Variants in LOC128092252 observed in about 807,000 individuals in gnomAD.
chr15:50,654,113 C>T, the LOC128092252 span, among the ~76,000 whole-genome samples: 48 of 152,148 alleles, frequency 3.2e-4, no homozygotes, highest in Non-Finnish European at 1.2e-4. Flanking sequence ...AAACTGAACA[C>T]TCCTTACAGG....
chr15:50,684,553 A>G, the LOC128092252 span, among the ~76,000 whole-genome samples: 1 of 152,056 alleles, frequency 6.6e-6, no homozygotes, highest in Non-Finnish European at 1.5e-5. Context: ...AGGCAGGAGA[A>G]TCACTTGAAC....
the LOC128092252 span, chr15:50,663,107 A>G: frequency 4.6e-6 from 6 of 1,297,840 alleles, no homozygotes; most frequent in Non-Finnish European, 3.3e-6. Context: ...GAAGGAAACA[A>G]TTTCATGATA....
chr15:50,668,824 A>G, the LOC128092252 span, among the ~76,000 whole-genome samples: 10 of 142,858 alleles, frequency 7.0e-5, no homozygotes, highest in African/African-American at 9.9e-5. Flanking sequence ...AGATATTTGT[A>G]TAAGTGCAGT....
At chr15:50,658,774 T>C in the LOC128092252 span, among the ~76,000 whole-genome samples, 1 of 152,168 alleles carries the variant, frequency 6.6e-6, no homozygotes, top group Admixed American at 6.5e-5. Context: ...AAATGAAAAT[T>C]GTACAAGGTC....
the LOC128092252 span, among the ~76,000 whole-genome samples, chr15:50,658,385 C>G: frequency 6.6e-6 from 1 of 150,504 alleles, no homozygotes; most frequent in Non-Finnish European, 1.5e-5. Flanking sequence ...TCAGCCTGGG[C>G]AACAAAGCGA....
the LOC128092252 span, among the ~76,000 whole-genome samples, chr15:50,656,498 T>TC: frequency 6.8e-6 from 1 of 146,822 alleles, no homozygotes; most frequent in Non-Finnish European, 1.5e-5. Context: ...TGTGTGGTTT[T>TC]CTTTTTTTTT....
the LOC128092252 span, among the ~76,000 whole-genome samples, chr15:50,685,448 C>CAGAGAGAGTCTCTGAG: frequency 6.6e-6 from 1 of 152,104 alleles, no homozygotes; most frequent in South Asian, 2.1e-4. Flanking sequence ...CAGAGTGAGA[C>CAGAGAGAGTCTCTGAG]CCTGTCTCAA....
chr15:50,686,462 G>T, the LOC128092252 span: 2 of 1,613,194 alleles, frequency 1.2e-6, no homozygotes, highest in African/African-American at 1.3e-5. Flanking sequence ...ACACTTGCCT[G>T]CCAAGTCTCT....
the LOC128092252 span, among the ~76,000 whole-genome samples, chr15:50,684,574 G>A: frequency 6.6e-6 from 1 of 152,122 alleles, no homozygotes; most frequent in East Asian, 1.9e-4. Context: ...CCAGGAGGCG[G>A]AGGCTGCAGT....
At chr15:50,686,130 TATC>T in the LOC128092252 span, among the ~76,000 whole-genome samples, 1 of 152,186 alleles carries the variant, frequency 6.6e-6, no homozygotes, top group East Asian at 1.9e-4. Context: ...TTGGTTCCCT[TATC>T]TGCCAGCAAC....
the LOC128092252 span, among the ~76,000 whole-genome samples, chr15:50,660,981 T>TC: frequency 1.3e-5 from 2 of 151,114 alleles, no homozygotes; most frequent in Non-Finnish European, 3.0e-5. Context: ...ACCATTCCTT[T>TC]TTTTTTTTTT....
At chr15:50,681,797 A>T in the LOC128092252 span, among the ~76,000 whole-genome samples, 1 of 152,228 alleles carries the variant, frequency 6.6e-6, no homozygotes, top group Non-Finnish European at 1.5e-5. Flanking sequence ...AGGGGTAAAC[A>T]GTGTTTCACA....
At chr15:50,677,751 A>AAAC in the LOC128092252 span, among the ~76,000 whole-genome samples, 34 of 148,124 alleles carry the variant, frequency 2.3e-4, no homozygotes, top group African/African-American at 8.5e-4. Flanking sequence ...AAAAAAAAAA[A>AAAC]AAAAAAAAAC....
At chr15:50,659,887 C>T in the LOC128092252 span, among the ~76,000 whole-genome samples, 5 of 152,198 alleles carry the variant, frequency 3.3e-5, no homozygotes, top group Admixed American at 1.3e-4. Flanking sequence ...AGGCTGGTCT[C>T]GAACTCCTGA....
the LOC128092252 span, among the ~76,000 whole-genome samples, chr15:50,659,354 C>T: frequency 6.6e-6 from 1 of 152,146 alleles, no homozygotes. Flanking sequence ...GAATGGATAA[C>T]ATCAGATTTT....
the LOC128092252 span, chr15:50,686,397 C>G: frequency 6.8e-7 from 1 of 1,470,572 alleles, no homozygotes; most frequent in South Asian, 1.2e-5. Flanking sequence ...AGGACAAATC[C>G]GGAAGCCTCA....
the LOC128092252 span, among the ~76,000 whole-genome samples, chr15:50,651,855 T>C: frequency 6.6e-6 from 1 of 151,458 alleles, no homozygotes; most frequent in Non-Finnish European, 1.5e-5. Context: ...CCACTGCACA[T>C]CCAGCCTGGC....
chr15:50,678,246 A>AAC, the LOC128092252 span, among the ~76,000 whole-genome samples: 2 of 142,504 alleles, frequency 1.4e-5, no homozygotes, highest in African/African-American at 5.1e-5. Context: ...TCTCAAAAAA[A>AAC]AAAAACAAAA....
At chr15:50,657,140 A>G in the LOC128092252 span, among the ~76,000 whole-genome samples, 6 of 152,290 alleles carry the variant, frequency 3.9e-5, no homozygotes, top group South Asian at 6.2e-4. Flanking sequence ...CCTGGCCAAC[A>G]TGGTGAAACC....
Sources: gnomAD v4.1 joint callset for allele counts (sites outside exome capture counted in the v4.1 genomes callset) on GRCh38, gnomAD v4.1.1 for gene constraint, MANE v1.5 for transcripts.